The following TMEM131L variants were observed in gnomAD, a reference collection of about 807,000 sequenced individuals.
TMEM131L encodes the protein transmembrane protein 131-like.
A neutral mutation model predicts 192.2 loss-of-function variants in TMEM131L; 54 were observed. That is an observed-to-expected ratio of 0.28 (90% CI 0.23 to 0.35). TMEM131L has a LOEUF of 0.35. Ranked by LOEUF, TMEM131L falls within the 10% of genes least tolerant of loss-of-function variation. TMEM131L has a pLI of 1.00. For synonymous variants in TMEM131L, 701 were observed against 704.9 expected (o/e 0.99, Z 0.09); for missense variants, 1,888 against 1,972.9 (o/e 0.96, Z 0.82).
Position 153,603,694 on chromosome 4 carries a change from A to G in TMEM131L, c.2790-108A>G, listed in dbSNP as rs1732006598. ...GAGCTTTGGAAGAAGGGAAGGTAAAACTTACACTCAGTACTGATTGCTACC... is the reference window on the plus strand; with the variant it reads ...GAGCTTTGGAAGAAGGGAAGGTAAAGCTTACACTCAGTACTGATTGCTACC... On this transcript the variant is annotated intron_variant, in intron 24 of 34. Transcript: ENST00000409959. The G allele has an allele frequency of 2.4e-6, 3 of 1,272,260 alleles. No individual in the cohort carries two copies. The South Asian group carries it at 4.5e-5, about 19-fold the overall frequency. The allele number at this position is 1,272,260 out of a possible 1,614,324, so 78.8% of individuals were successfully genotyped here. A position where few individuals can be genotyped will look rare whatever the true frequency, so the allele number is the denominator to read the frequency against.
chr4:153,536,845 G>C (rs1285209571), intron 3 of TMEM131L, among the ~76,000 whole-genome samples: 1 of 151,868 alleles, frequency 6.6e-6, no homozygotes, highest in East Asian at 1.9e-4. Context: ...AAACCAGTCC[G>C]AGTCCCAAAG....
rs765248723 is a variant in TMEM131L at position 153,623,046 on chromosome 4, G to A, written c.4008G>A (p.Lys1336=). Residue 1336 remains lysine (K), a synonymous_variant, in exon 29 of 35, where the codon AAG becomes AAA. Transcript: ENST00000409959. The stretch of plus-strand genomic sequence containing the variant: ...GCACCAGCAGCTCCGACGGGGATAA[G>A]AAGCCCATGGTGGACGCCCAGCACT... ...WSSTSSSDGD[K]KPMVDAQHFL... 2 of 1,613,136 alleles carry A rather than the reference G, an allele frequency of 1.2e-6. No individual in the cohort carries two copies. The highest frequency in any genetic ancestry group is 1.7e-6 in the Non-Finnish European group (2 of 1,179,618).
intron 6 of TMEM131L, 33 bp downstream of exon 6, chr4:153,557,115 G>A (rs1728522581): frequency 9.9e-7 from 1 of 1,014,646 alleles, no homozygotes; most frequent in Admixed American, 1.8e-5. Flanking sequence ...CACAACTTTG[G>A]TTGGTGACTT....
chr4:153,556,453 C>T (rs72729679), intron 5 of TMEM131L, among the ~76,000 whole-genome samples: 1 of 152,054 alleles, frequency 6.6e-6, no homozygotes, highest in Non-Finnish European at 1.5e-5. Context: ...AGTGAAGATC[C>T]TAATTGCTAG....
chr4:153,581,479 A>G lies in TMEM131L; in HGVS notation c.811A>G (p.Lys271Glu). ...AATGGTAACAATGGAAAACTTTTCA[A>G]AAGAATTTGAAGAAAACACACAACA... ...SIMVTMENFS[K>E]EFEENTQHLL... is the part of the protein sequence containing the mutation. Residue 271 changes from lysine to glutamate, a missense_variant, in exon 9 of 35, where the codon AAA (lysine) becomes GAA (glutamate). Lys to Glu is a moderately conservative substitution (Grantham distance 56, BLOSUM62 1). Transcript: ENST00000409959. The G allele has an allele frequency of 6.2e-7, 1 of 1,601,664 alleles. No homozygotes were observed. Among genetic ancestry groups the G allele is most frequent in the Non-Finnish European group, 8.5e-7 (1 of 1,172,804 alleles).
Position 153,557,223 on chromosome 4 carries a change from A to G in TMEM131L, c.549+141A>G. On this transcript the variant is annotated intron_variant, in intron 6 of 34. Coordinates refer to ENST00000409959, the MANE Select transcript of TMEM131L (RefSeq NM_001131007.2). Reference sequence around the variant, plus strand: ...ATACAAGACTGTTAGTGATGTTAAAATCATCAGCATTCACCCTTTTCTGCC... The same window carrying G: ...ATACAAGACTGTTAGTGATGTTAAAGTCATCAGCATTCACCCTTTTCTGCC... The G allele has an allele frequency of 1.3e-5, 8 of 614,484 alleles. No individual in the cohort carries two copies. The South Asian group carries it at 1.6e-4, about 12-fold the overall frequency. 38.1% of individuals were successfully genotyped at this position (614,484 alleles called of 1,614,324 possible).
chr4:153,565,805 G>A (rs1729149298), intron 7 of TMEM131L, among the ~76,000 whole-genome samples: 1 of 152,210 alleles, frequency 6.6e-6, no homozygotes, highest in Non-Finnish European at 1.5e-5. Context: ...ATTTGGGAAT[G>A]TGTGACAAGT....
At chr4:153,585,267 C>T (rs533420941) in intron 12 of TMEM131L, among the ~76,000 whole-genome samples, 191 bp from the exon 13 acceptor site, 1 of 152,310 alleles carries the variant, frequency 6.6e-6, no homozygotes, top group Admixed American at 6.5e-5. Context: ...CTGGTTGCTT[C>T]CCCTCGGGCT....
intron 7 of TMEM131L, among the ~76,000 whole-genome samples, chr4:153,561,278 G>C (rs573787721): frequency 1.3e-5 from 2 of 152,252 alleles, no homozygotes; most frequent in East Asian, 3.9e-4. Context: ...CTGGACATTG[G>C]ACCTTTATCA....
At chr4:153,601,996 G>T in intron 21 of TMEM131L, 156 bp from the exon 22 acceptor site, 1 of 503,584 alleles carries the variant, frequency 2.0e-6, no homozygotes, top group Non-Finnish European at 3.4e-6. Flanking sequence ...CTAGAAATTA[G>T]GTAGAAATCA....
At chr4:153,501,417 G>A (rs959059987) in intron 3 of TMEM131L, among the ~76,000 whole-genome samples, 1 of 151,990 alleles carries the variant, frequency 6.6e-6, no homozygotes, top group African/African-American at 2.4e-5. Flanking sequence ...AGCCAGGATG[G>A]TCTCGATCGC....
intron 17 of TMEM131L, among the ~76,000 whole-genome samples, chr4:153,592,241 G>A (rs1731118585): frequency 6.6e-6 from 1 of 151,728 alleles, no homozygotes; most frequent in South Asian, 2.1e-4. Context: ...TCCAGTCCAG[G>A]ATTTCTCATT....
At chr4:153,529,982 G>A (rs1735770987) in intron 3 of TMEM131L, among the ~76,000 whole-genome samples, 1 of 150,566 alleles carries the variant, frequency 6.6e-6, no homozygotes, top group African/African-American at 2.4e-5. Flanking sequence ...GTTCATATTT[G>A]TGTCAAATAT....
intron 2 of TMEM131L, 52 bp downstream of exon 2, chr4:153,467,333 CG>C (rs141563016): frequency 2.2e-5 from 32 of 1,468,698 alleles, no homozygotes; most frequent in Non-Finnish European, 2.9e-5. Context: ...GGAGGAGAGG[CG>C]GGGAGGCCCC....
Position 153,620,810 on chromosome 4 carries a change from C to G in TMEM131L, c.3622C>G (p.Gln1208Glu), listed in dbSNP as rs765066584. Reference sequence around the variant, plus strand: ...TCAGGAGAAAAGAGAAGGAAATTTACAAAATTTAAATTGGAGTAAAAGTCG... The same window carrying G: ...TCAGGAGAAAAGAGAAGGAAATTTAGAAAATTTAAATTGGAGTAAAAGTCG... ...KLQEKREGNL[Q>E]NLNWSKSRTC... The change falls in exon 27 of 35, where the codon CAA (glutamine) becomes GAA (glutamate). Residue 1208 changes from glutamine to glutamate, a missense_variant. Physicochemically the swap from Gln to Glu is conservative, Grantham distance 29. Coordinates refer to ENST00000409959, the MANE Select transcript of TMEM131L (RefSeq NM_001131007.2). 2 of 1,592,732 alleles carry G rather than the reference C, an allele frequency of 1.3e-6. No homozygotes were observed. The highest frequency in any genetic ancestry group is 2.7e-5 in the African/African-American group (2 of 73,858).
chr4:153,600,426 T>C (rs959956303), intron 21 of TMEM131L, among the ~76,000 whole-genome samples: 3 of 152,074 alleles, frequency 2.0e-5, no homozygotes, highest in African/African-American at 7.2e-5. Context: ...GAAATTGATT[T>C]GAAATTTAGT....
chr4:153,600,679 T>C (rs1311227931), intron 21 of TMEM131L, among the ~76,000 whole-genome samples: 1 of 152,250 alleles, frequency 6.6e-6, no homozygotes, highest in Non-Finnish European at 1.5e-5. Flanking sequence ...ACAGAAAGCA[T>C]TTTAGTGTAA....
chr4:153,483,520 G>T (rs1388214739), intron 3 of TMEM131L, among the ~76,000 whole-genome samples: 2 of 151,980 alleles, frequency 1.3e-5, no homozygotes, highest in Non-Finnish European at 2.9e-5. Context: ...CACAAAGTGA[G>T]ACCCTGTCTC....
chr4:153,476,821 A>C (rs574868167), intron 3 of TMEM131L, among the ~76,000 whole-genome samples: 1 of 152,372 alleles, frequency 6.6e-6, no homozygotes, highest in South Asian at 2.1e-4. Flanking sequence ...ATTTAAAAAA[A>C]TGGATAATGG....
Sources: gnomAD v4.1 joint callset for allele counts (sites outside exome capture counted in the v4.1 genomes callset) on GRCh38, gnomAD v4.1.1 for gene constraint, MANE v1.5 for transcripts, NCBI Gene and HGNC (gene_info 2026-07-23, HGNC 2026-07-21) for gene names.